INSC: variants seen among roughly 807,000 people sequenced by gnomAD.
INSC encodes the protein protein inscuteable homolog.
A neutral mutation model predicts 58.6 loss-of-function variants in INSC; 67 were observed. The observed-to-expected ratio is 1.14, with a 90% confidence interval of 0.94 to 1.40. The LOEUF is 1.40. Ranked by LOEUF, INSC falls within the 40% of genes most tolerant of loss-of-function variation. The pLI is 0.00. For synonymous variants in INSC, 262 were observed against 276.1 expected (o/e 0.95, Z 0.51); for missense variants, 714 against 692.0 (o/e 1.03, Z -0.36).
intron 7 of INSC, among the ~76,000 whole-genome samples, chr11:15,211,755 C>T (rs1389487700): frequency 2.0e-5 from 3 of 151,870 alleles, no homozygotes; most frequent in Admixed American, 2.0e-4. Flanking sequence ...CCAATTGAGC[C>T]AGCACTGTTT....
chr11:15,145,319 G>T (rs536828518), intron 1 of INSC, among the ~76,000 whole-genome samples: 112 of 152,268 alleles, frequency 7.4e-4, no homozygotes, highest in African/African-American at 2.6e-3. Flanking sequence ...TACAAGTCAG[G>T]GTTTGAATTT....
intron 1 of INSC, among the ~76,000 whole-genome samples, chr11:15,128,935 C>A (rs1019959770): frequency 3.9e-5 from 6 of 152,224 alleles, no homozygotes; most frequent in Admixed American, 3.9e-4. Flanking sequence ...GCTTTTTTAT[C>A]TGCTTGGTCC....
intron 1 of INSC, among the ~76,000 whole-genome samples, chr11:15,132,599 CTTAG>C (rs1848150498): frequency 1.3e-5 from 2 of 152,120 alleles, no homozygotes; most frequent in African/African-American, 4.8e-5. Context: ...GTAATTGTTT[CTTAG>C]TTAAAGTTTC....
rs182580607 is a variant in INSC, at chr11:15,143,497, G to A, written c.-45-5633G>A. ...GGCTGCAAGGCTGAAGGACAAGAAGGGTGGTCAGACAGGGACAAGATCCAT... is the reference window on the plus strand; with the variant it reads ...GGCTGCAAGGCTGAAGGACAAGAAGAGTGGTCAGACAGGGACAAGATCCAT... On this transcript the variant is annotated intron_variant, in intron 1 of 12. Coordinates refer to ENST00000379556, the MANE Select transcript of INSC (RefSeq NM_001042536.3). Among the ~76,000 whole-genome samples, 437 of 152,304 alleles carry A rather than the reference G, an allele frequency of 2.9e-3. 7 individuals carry two copies. The highest frequency in any genetic ancestry group is 0.01 in the South Asian group (49 of 4,828).
At chr11:15,130,681 T>G (rs1283563377) in intron 1 of INSC, among the ~76,000 whole-genome samples, 5 of 152,218 alleles carry the variant, frequency 3.3e-5, no homozygotes, top group Non-Finnish European at 7.4e-5. Flanking sequence ...AAACTCATGC[T>G]TCTCTGGGTT....
intron 10 of INSC, 52 bp downstream of exon 10, chr11:15,235,720 A>C (rs1382031931): frequency 2.0e-6 from 3 of 1,470,862 alleles, no homozygotes; most frequent in Admixed American, 1.7e-5. Context: ...GATGTAGGGG[A>C]CTGTGTCTTT....
At chr11:15,241,434 G>A in intron 12 of INSC, 4 of 550,572 alleles carry the variant, frequency 7.3e-6, no homozygotes, top group Non-Finnish European at 1.3e-5. Context: ...AAACAGTGGG[G>A]CATTGCAGTC....
chr11:15,180,715 GAGTGTTGT>G (rs1849749182), intron 5 of INSC, among the ~76,000 whole-genome samples: 1 of 145,720 alleles, frequency 6.9e-6, no homozygotes, highest in Admixed American at 6.9e-5. Flanking sequence ...GGTGGCCACA[GAGTGTTGT>G]CCTCCATTCA....
At chr11:15,128,147 T>C (rs946004150) in intron 1 of INSC, among the ~76,000 whole-genome samples, 3 of 152,212 alleles carry the variant, frequency 2.0e-5, no homozygotes, top group African/African-American at 7.2e-5. Context: ...TCTGAGAACC[T>C]TTTTTGTATA....
At chr11:15,164,893 T>G (rs1370121944) in intron 2 of INSC, among the ~76,000 whole-genome samples, 1 of 152,176 alleles carries the variant, frequency 6.6e-6, no homozygotes. Flanking sequence ...GATTTTATAA[T>G]GCCTGCCACC....
At chr11:15,253,483 C>A in the INSC span, among the ~76,000 whole-genome samples, 1 of 152,074 alleles carries the variant, frequency 6.6e-6, no homozygotes, top group East Asian at 1.9e-4. Flanking sequence ...ACTGTCCCTT[C>A]AACGCTATCT....
chr11:15,123,120 C>G lies in INSC; in HGVS notation c.-46+8117C>G, dbSNP rs11023444. On this transcript the variant is annotated intron_variant, in intron 1 of 12. Transcript: ENST00000379556. ...TTGCTGTTCCTCTGCTTAGAATGCT[C>G]GTTCTTCCTGACTCCACCTACCGAA... Among the ~76,000 whole-genome samples, 3 of 151,936 alleles carry G rather than the reference C, an allele frequency of 2.0e-5. No individual in the cohort carries two copies. The East Asian group carries it at 5.8e-4, about 29-fold the overall frequency.
chr11:15,264,037 T>A, the INSC span, among the ~76,000 whole-genome samples: 3 of 150,652 alleles, frequency 2.0e-5, no homozygotes, highest in Non-Finnish European at 4.4e-5. Context: ...AGTTCTCTGC[T>A]TTGAAAGGCC....
At position 15,221,594 on chromosome 11, in the gene INSC, C is replaced by T. The variant is rs1024750513; in HGVS notation, c.937C>T (p.Gln313Ter). 6.2e-7 allele frequency: 1 copy of T among 1,613,820 alleles called. No individual in the cohort carries two copies. Among genetic ancestry groups the T allele is most frequent in the African/African-American group, 1.3e-5 (1 of 74,912 alleles). Residue 313 changes from glutamine (Q) to a stop codon, truncating the protein, a stop_gained, in exon 8 of 13, where the codon CAG becomes TAG. Coordinates refer to ENST00000379556, the MANE Select transcript of INSC (RefSeq NM_001042536.3). LOFTEE classifies it high-confidence loss of function. ...QVTSPHLPVTQHLSSFLESME... is the reference protein window; with the variant it reads ...QVTSPHLPVT Reference sequence around the variant, plus strand: ...CACCTCCCCACACCTGCCCGTCACCCAGCACCTCAGTAGCTTCCTGGAGAG... The same window carrying T: ...CACCTCCCCACACCTGCCCGTCACCTAGCACCTCAGTAGCTTCCTGGAGAG...
chr11:15,134,827 C>CTTTATTTATTTA lies in INSC; in HGVS notation c.-45-14283_-45-14272dup, dbSNP rs112337509. Among the ~76,000 whole-genome samples, 1,145 of 150,908 alleles carry CTTTATTTATTTA rather than the reference C, an allele frequency of 7.6e-3. 18 individuals are homozygous for CTTTATTTATTTA. The highest frequency in any genetic ancestry group is 0.025 in the African/African-American group (999 of 40,758). On this transcript the variant is annotated intron_variant, in intron 1 of 12. Transcript: ENST00000379556. ...CTGTGAGTCAAGTCTCATCTTCCTC[C>CTTTATTTATTTA]TTTATTTATTTATTTATTTATTTAT...
chr11:15,238,805 C>T (rs746259291), intron 10 of INSC, 114 bp from the exon 11 acceptor site: 3 of 1,069,874 alleles, frequency 2.8e-6, no homozygotes, highest in Admixed American at 4.9e-5. Context: ...GGGTGAGACC[C>T]CTGAAGTCAT....
intron 1 of INSC, among the ~76,000 whole-genome samples, chr11:15,128,779 C>T (rs895614796): frequency 1.3e-5 from 2 of 152,190 alleles, no homozygotes; most frequent in African/African-American, 2.4e-5. Flanking sequence ...CTGGCCCCTG[C>T]GCCCAGCTAT....
chr11:15,166,346 C>T (rs1261348388), intron 2 of INSC, among the ~76,000 whole-genome samples: 1 of 152,116 alleles, frequency 6.6e-6, no homozygotes. Flanking sequence ...TGCAAAAATG[C>T]CTTGAATGAG....
intron 3 of INSC, among the ~76,000 whole-genome samples, chr11:15,176,622 G>C (rs527649182): frequency 6.6e-6 from 1 of 152,236 alleles, no homozygotes; most frequent in African/African-American, 2.4e-5. Context: ...TTTATTTAAA[G>C]TTACGCAGTG....
Sources: gnomAD v4.1 joint callset for allele counts (sites outside exome capture counted in the v4.1 genomes callset) on GRCh38, gnomAD v4.1.1 for gene constraint, MANE v1.5 for transcripts, NCBI Gene and HGNC (gene_info 2026-07-23, HGNC 2026-07-21) for gene names.